DTX2: variants seen among roughly 807,000 people sequenced by gnomAD.
The protein encoded by DTX2 is deltex E3 ubiquitin ligase 2.
A neutral mutation model predicts 55.3 loss-of-function variants in DTX2; 29 were observed. That is an observed-to-expected ratio of 0.52 (90% CI 0.39 to 0.71). The LOEUF (loss-of-function observed/expected upper bound fraction) is 0.71, where lower values mean the gene tolerates loss of function less well. DTX2 is among the 30% of genes least tolerant of loss of function. The probability of loss-of-function intolerance (pLI) is 0.00; values close to 1 mark genes in which losing one functional copy is unlikely to be tolerated. For synonymous variants in DTX2, 276 were observed against 340.4 expected, an observed-to-expected ratio of 0.81 and a Z score of 2.08; for missense variants, 537 against 822.5, an observed-to-expected ratio of 0.65 and a Z score of 4.25.
Position 76,496,273 on chromosome 7 carries a change from C to T in DTX2, c.1010-1064C>T, listed in dbSNP as rs545618548. 1.1e-4 allele frequency among the ~76,000 whole-genome samples: 9 copies of T among 83,296 alleles called. 4 individuals are homozygous for T. The highest frequency in any genetic ancestry group is 1.9e-4 in the Non-Finnish European group (8 of 41,752). 54.6% of individuals were successfully genotyped at this position (83,296 alleles called of 152,430 possible). On this transcript the variant is annotated intron_variant, in intron 5 of 10. Coordinates refer to ENST00000430490, the MANE Select transcript of DTX2 (RefSeq NM_001102594.3). Reference sequence around the variant, plus strand: ...GTGGGGGCGCAGTGGCTGGCCTGGCCGCCCTTCACCCCTGAGTCACGCCAT... The same window carrying T: ...GTGGGGGCGCAGTGGCTGGCCTGGCTGCCCTTCACCCCTGAGTCACGCCAT...
chr7:76,503,944 G>A (rs377390517), intron 9 of DTX2, among the ~76,000 whole-genome samples: 9,303 of 147,858 alleles, frequency 0.063, 388 homozygotes, highest in East Asian at 0.17. Context: ...CAGGGTGTGC[G>A]TCGAGGAACC....
At chr7:76,481,339 A>C (rs1054821190) in intron 3 of DTX2, among the ~76,000 whole-genome samples, 18 of 151,874 alleles carry the variant, frequency 1.2e-4, no homozygotes, top group African/African-American at 4.1e-4. Flanking sequence ...GGCATCCACC[A>C]CCACACCTGG....
intron 8 of DTX2, among the ~76,000 whole-genome samples, chr7:76,503,156 C>T (rs4727187): frequency 6.6e-6 from 1 of 152,098 alleles, no homozygotes; most frequent in Non-Finnish European, 1.5e-5. Context: ...GCGATTCACC[C>T]GTGGAGATTT....
rs773754831 is a variant in DTX2, at chr7:76,490,995, CTTTTT to C, written c.909-1143_909-1139del. 8.8e-4 allele frequency among the ~76,000 whole-genome samples: 56 copies of C among 63,366 alleles called. No individual in the cohort carries two copies. The Middle Eastern group carries it at 0.038, about 44-fold the overall frequency. The allele number at this position is 63,366 out of a possible 152,430, so 41.6% of individuals were successfully genotyped here. ...TCTAAACAGGTGCTATGAGAACCTG[CTTTTT>C]TTTTTTTTTTTTTTGAGACTGAGTT... On this transcript the variant is annotated intron_variant, in intron 4 of 10. Transcript: ENST00000430490.
chr7:76,502,760 C>G, intron 8 of DTX2: 2 of 470,628 alleles, frequency 4.2e-6, no homozygotes, highest in South Asian at 3.7e-5. Flanking sequence ...CCGCCTCCCC[C>G]TCGGCCACTT....
rs553443250 is a variant in DTX2, at chr7:76,505,876, C to T, written c.*275C>T. ...TCCTCTGGGGGCTGCTTCGGGCCCGCGGTGCTCGGGGCCTGGTGTGGGGCG... is the reference window on the plus strand; with the variant it reads ...TCCTCTGGGGGCTGCTTCGGGCCCGTGGTGCTCGGGGCCTGGTGTGGGGCG... On this transcript the variant is annotated 3_prime_UTR_variant, in exon 11 of 11. Transcript: ENST00000430490. The surrounding 1 kb of genome is among the most constrained non-coding windows in gnomAD (Gnocchi z 4.4). 39 of 571,576 alleles carry T rather than the reference C, an allele frequency of 6.8e-5. 1 individual carries two copies. Among genetic ancestry groups the T allele is most frequent in the Admixed American group, 5.6e-4 (18 of 32,066 alleles). 35.4% of individuals were successfully genotyped at this position (571,576 alleles called of 1,614,324 possible). A position where few individuals can be genotyped will look rare whatever the true frequency, so the allele number is the denominator to read the frequency against.
chr7:76,505,488 G>A lies in DTX2; in HGVS notation c.1756G>A (p.Glu586Lys). 6.2e-7 allele frequency: 1 copy of A among 1,609,890 alleles called. No homozygotes were observed. Among genetic ancestry groups the A allele is most frequent in the Non-Finnish European group, 8.5e-7 (1 of 1,178,296 alleles). Residue 586 changes from glutamate to lysine, a missense_variant, in exon 11 of 11, where the codon GAG becomes AAG. Glu to Lys is a moderately conservative substitution (Grantham distance 56). Coordinates refer to ENST00000430490, the MANE Select transcript of DTX2 (RefSeq NM_001102594.3). This position sits in a 1 kb window ranked among gnomAD's most constrained non-coding sequence, Gnocchi z 4.4. ...ATGGAACGAGATCCACCACAAGACA[G>A]AGATGGACCGCAACATTACGGGCCA... ...VVWNEIHHKT[E>K]MDRNITGHGY...
chr7:76,499,896 T>G (rs1811445895), intron 6 of DTX2: 2 of 337,876 alleles, frequency 5.9e-6, no homozygotes, highest in Non-Finnish European at 1.2e-5. Flanking sequence ...AGTCTGCATG[T>G]GACAGACCTT....
chr7:76,475,551 G>A (rs982537675), intron 2 of DTX2, among the ~76,000 whole-genome samples: 5 of 145,318 alleles, frequency 3.4e-5, no homozygotes, highest in Admixed American at 2.8e-4. Context: ...GCCAGGCGTA[G>A]TGGTGCGTGC....
intron 5 of DTX2, among the ~76,000 whole-genome samples, chr7:76,494,891 C>T (rs1187777554): frequency 9.0e-6 from 1 of 110,682 alleles, no homozygotes; most frequent in Admixed American, 9.5e-5. Context: ...TGTCCTGTCA[C>T]CCTGGTGTGC....
intron 2 of DTX2, 101 bp from the exon 3 acceptor site, chr7:76,480,320 A>T (rs1328629472): frequency 4.4e-6 from 3 of 686,826 alleles, no homozygotes; most frequent in East Asian, 5.9e-5. Context: ...AAAAAAAAAA[A>T]TCAGCTGTGG....
At chr7:76,489,873 C>G (rs1420298670) in intron 4 of DTX2, among the ~76,000 whole-genome samples, 2 of 137,366 alleles carry the variant, frequency 1.5e-5, no homozygotes, top group Non-Finnish European at 3.2e-5. Flanking sequence ...TTGTAGGGAA[C>G]AAAACCCTCA....
At position 76,480,500 on chromosome 7, in the gene DTX2, C is replaced by G. The variant is rs1281370949; in HGVS notation, c.-10C>G. 6.4e-7 allele frequency: 1 copy of G among 1,573,766 alleles called. No individual in the cohort carries two copies. The highest frequency in any genetic ancestry group is 8.6e-7 in the Non-Finnish European group (1 of 1,159,378). ...AGCTGTTTGGGAAAGCAGCGGGACTCCTTGGGAAGATGGCCATGGCCCCAA... is the reference window on the plus strand; with the variant it reads ...AGCTGTTTGGGAAAGCAGCGGGACTGCTTGGGAAGATGGCCATGGCCCCAA... On this transcript the variant is annotated 5_prime_UTR_variant, in exon 3 of 11. Coordinates refer to ENST00000430490, the MANE Select transcript of DTX2 (RefSeq NM_001102594.3).
intron 5 of DTX2, among the ~76,000 whole-genome samples, chr7:76,493,877 C>CT (rs1810645070): frequency 8.2e-6 from 1 of 122,344 alleles, no homozygotes; most frequent in Non-Finnish European, 1.9e-5. Flanking sequence ...GAGGAGCAGC[C>CT]TGGGGCTTGG....
chr7:76,505,388 GA>G lies in DTX2; in HGVS notation c.1658del (p.Lys553ArgfsTer62). 6.3e-7 allele frequency: 1 copy of G among 1,582,088 alleles called. No homozygotes were observed. Among genetic ancestry groups the G allele is most frequent in the Non-Finnish European group, 8.6e-7 (1 of 1,164,570 alleles). ...TCCCCGGGCAGGTCCTAGAGCTCCTGAAGGTGGCCTGGAAGAGGCGGCTCAT... is the reference window on the plus strand; with the variant it reads ...TCCCCGGGCAGGTCCTAGAGCTCCTGAGGTGGCCTGGAAGAGGCGGCTCAT... ...AQGRKVLELL[K>X]VAWKRRLIFT... On this transcript the variant is annotated frameshift_variant, in exon 11 of 11. Transcript: ENST00000430490. LOFTEE classifies it high-confidence loss of function. This position sits in a 1 kb window ranked among gnomAD's most constrained non-coding sequence, Gnocchi z 4.4.
In DTX2 at chr7:76,482,888, T is replaced by C; in HGVS notation, c.649T>C (p.Ser217Pro). Residue 217 changes from serine to proline, a missense_variant, in exon 4 of 11, where the codon TCC (serine) becomes CCC (proline). This residue lies in a region of DTX2 where 301 missense variants were observed against 396.6 expected (regional missense o/e 0.76). Coordinates refer to ENST00000430490, the MANE Select transcript of DTX2 (RefSeq NM_001102594.3). ...TGPVSGRYRH[S>P]MTNLPAYPVP... ...CCCCGTGTCAGGCCGCTACCGCCAC[T>C]CCATGACCAACCTCCCTGCATACCC... The C allele has an allele frequency of 6.2e-7, 1 of 1,613,710 alleles. No individual in the cohort carries two copies. Among genetic ancestry groups the C allele is most frequent in the Non-Finnish European group, 8.5e-7 (1 of 1,179,734 alleles).
Position 76,471,880 on chromosome 7 carries a change from T to C in DTX2, c.-90+8171T>C, listed in dbSNP as rs1331789633. On this transcript the variant is annotated intron_variant, in intron 2 of 10. Coordinates refer to ENST00000430490, the MANE Select transcript of DTX2 (RefSeq NM_001102594.3). The stretch of plus-strand genomic sequence containing the variant: ...AAGCTGGTTGACCACAAGGGAATTG[T>C]AGGTTACTGGGGCCGGCACCATGGG... Among the ~76,000 whole-genome samples the C allele has an allele frequency of 7.0e-4, 106 of 151,320 alleles. 2 individuals carry two copies. Among genetic ancestry groups the C allele is most frequent in the African/African-American group, 2.5e-3 (102 of 40,788 alleles).
rs756977113 is a variant in DTX2, at chr7:76,483,080, C to T, written c.841C>T (p.Arg281Cys). ...PPSLGSQPLY[R>C]SSLSHLGPQH... ...TTCCCTGGGGAGCCAGCCCCTCTAC[C>T]GCTCCAGCCTCTCCCACCTGGGACC... Residue 281 changes from arginine to cysteine, a missense_variant, in exon 4 of 11, where the codon CGC (arginine) becomes TGC (cysteine). Transcript: ENST00000430490. 10 of 1,613,010 alleles carry T rather than the reference C, an allele frequency of 6.2e-6. No individual in the cohort carries two copies. The highest frequency in any genetic ancestry group is 4.0e-5 in the African/African-American group (3 of 75,054).
At chr7:76,502,152 C>T (rs1811776468) in intron 7 of DTX2, 146 bp from the exon 8 acceptor site, 1 of 696,256 alleles carries the variant, frequency 1.4e-6, no homozygotes, top group Non-Finnish European at 2.4e-6. Flanking sequence ...GCTGGGATTA[C>T]AGGCCTGAGC....
Sources: allele counts gnomAD v4.1 joint callset (sites outside exome capture counted in the v4.1 genomes callset), GRCh38; gene constraint gnomAD v4.1.1; regional missense constraint gnomAD v4.1.1; non-coding constraint Gnocchi (gnomAD v3.1); transcripts MANE v1.5; gene names NCBI Gene and HGNC (gene_info 2026-07-23, HGNC 2026-07-21).